Variants in TENM2 observed in about 807,000 individuals in gnomAD.
TENM2 encodes the protein teneurin transmembrane protein 2, also known as teneurin-2.
In TENM2, 52 loss-of-function variants were observed where a neutral mutation model predicts 245.2. That is an observed-to-expected ratio of 0.21 (90% confidence interval 0.17 to 0.27). TENM2 has a LOEUF of 0.27. Among genes scored for constraint, TENM2 ranks in the 10% least tolerant of loss-of-function variants. TENM2 has a pLI of 1.00. For synonymous variants in TENM2, 1,363 were observed against 1,438.9 expected (o/e 0.95, Z 1.19); for missense variants, 3,046 against 3,666.8 (o/e 0.83, Z 4.37).
chr5:168,080,597 T>C (rs1483548487), intron 7 of TENM2, among the ~76,000 whole-genome samples: 1 of 152,220 alleles, frequency 6.6e-6, no homozygotes, highest in Non-Finnish European at 1.5e-5. Context: ...TACACACGGT[T>C]TTAAGTGTGT....
At chr5:168,146,647 G>C (rs940040898) in intron 12 of TENM2, among the ~76,000 whole-genome samples, 1 of 152,134 alleles carries the variant, frequency 6.6e-6, no homozygotes, top group African/African-American at 2.4e-5. Context: ...GAAACGGCCG[G>C]TCCCATTGCT....
chr5:167,894,360 GAAT>G (rs537839931), intron 3 of TENM2, among the ~76,000 whole-genome samples: 194 of 152,294 alleles, frequency 1.3e-3, no homozygotes, highest in African/African-American at 4.4e-3. Flanking sequence ...ATTGCCCTTA[GAAT>G]AAAACCCAGA....
chr5:167,386,167 C>T (rs1021106089), intron 2 of TENM2, among the ~76,000 whole-genome samples: 9 of 151,782 alleles, frequency 5.9e-5, no homozygotes, highest in Admixed American at 1.3e-4. Context: ...GTTCCCTGTT[C>T]ACCGCATCTA....
the TENM2 span, among the ~76,000 whole-genome samples, chr5:167,191,371 A>C: frequency 6.6e-6 from 1 of 152,002 alleles, no homozygotes; most frequent in African/African-American, 2.4e-5. Flanking sequence ...CATTCCCAGA[A>C]AGCTTTGTTT....
chr5:167,392,858 T>C (rs566227220), intron 2 of TENM2, among the ~76,000 whole-genome samples: 4 of 152,302 alleles, frequency 2.6e-5, no homozygotes, highest in African/African-American at 9.6e-5. Context: ...TAGAGTATAT[T>C]CATTAACAAA....
chr5:167,171,428 G>A, the TENM2 span, among the ~76,000 whole-genome samples: 1 of 152,134 alleles, frequency 6.6e-6, no homozygotes, highest in African/African-American at 2.4e-5. Flanking sequence ...GGGGCCCAAC[G>A]GGAAACAGAG....
At chr5:167,832,607 G>A (rs1474487339) in intron 2 of TENM2, among the ~76,000 whole-genome samples, 2 of 152,084 alleles carry the variant, frequency 1.3e-5, no homozygotes, top group African/African-American at 4.8e-5. Context: ...AGGCAGGGAT[G>A]GATGGATAGA....
chr5:167,796,588 C>T (rs530361828), intron 2 of TENM2, among the ~76,000 whole-genome samples: 3 of 151,928 alleles, frequency 2.0e-5, no homozygotes, highest in African/African-American at 7.2e-5. Flanking sequence ...ACTTTCAAAG[C>T]ATTTATCACA....
intron 12 of TENM2, among the ~76,000 whole-genome samples, chr5:168,156,247 T>TAAAAAAAAAAAAAA (rs58825054): frequency 2.5e-5 from 2 of 80,794 alleles, no homozygotes; most frequent in African/African-American, 1.1e-4. Flanking sequence ...TCCCCATAGT[T>TAAAAAAAAAAAAAA]AAAAAAAAAA....
At chr5:168,262,092 C>A in exon 29 of TENM2, 1 of 1,613,958 alleles carries the variant, frequency 6.2e-7, no homozygotes, top group Non-Finnish European at 8.5e-7. Flanking sequence ...CATAACCAGG[C>A]CTTCATGGCT....
chr5:168,004,515 G>GCGCGCA (rs1554170182), intron 5 of TENM2, among the ~76,000 whole-genome samples: 1 of 73,632 alleles, frequency 1.4e-5, no homozygotes, highest in East Asian at 7.3e-4. Context: ...ATGCGCGCGC[G>GCGCGCA]CGCACACACA....
chr5:167,868,252 A>G (rs1420665432), intron 2 of TENM2, among the ~76,000 whole-genome samples: 2 of 152,080 alleles, frequency 1.3e-5, no homozygotes, highest in African/African-American at 4.8e-5. Flanking sequence ...CACATTGCCA[A>G]ATCTCCCCTA....
chr5:167,078,159 T>C, the TENM2 span, among the ~76,000 whole-genome samples: 1 of 152,104 alleles, frequency 6.6e-6, no homozygotes, highest in African/African-American at 2.4e-5. Flanking sequence ...ATGCATACCA[T>C]ACTCAGGTCA....
chr5:167,101,863 A>ATATATATATATATATATATATATATT, the TENM2 span, among the ~76,000 whole-genome samples: 2 of 121,628 alleles, frequency 1.6e-5, no homozygotes, highest in South Asian at 2.6e-4. Flanking sequence ...ATATATATAT[A>ATATATATATATATATATATATATATT]TATATATATA....
intron 2 of TENM2, among the ~76,000 whole-genome samples, chr5:167,575,882 GT>G (rs1021919362): frequency 8.6e-5 from 13 of 151,616 alleles, no homozygotes; most frequent in African/African-American, 2.4e-4. Context: ...ATTCAATCTC[GT>G]TTTTTTTCTA....
chr5:167,249,653 G>A, the TENM2 span, among the ~76,000 whole-genome samples: 7 of 152,100 alleles, frequency 4.6e-5, no homozygotes, highest in Non-Finnish European at 8.8e-5. Flanking sequence ...TAGATATTAA[G>A]CACCTAATTT....
chr5:167,477,314 G>A (rs1420929652), intron 2 of TENM2, among the ~76,000 whole-genome samples: 2 of 149,090 alleles, frequency 1.3e-5, no homozygotes, highest in East Asian at 2.0e-4. Flanking sequence ...TTTCTGCTAT[G>A]CCTTTGACTC....
chr5:167,666,654 T>C (rs899906653), intron 2 of TENM2, among the ~76,000 whole-genome samples: 2 of 152,192 alleles, frequency 1.3e-5, no homozygotes, highest in Non-Finnish European at 2.9e-5. Flanking sequence ...TTACTAGCTT[T>C]TCATAGTAGT....
chr5:167,451,709 C>T (rs1285356091), intron 2 of TENM2, among the ~76,000 whole-genome samples: 5 of 151,388 alleles, frequency 3.3e-5, no homozygotes, highest in Non-Finnish European at 5.9e-5. Flanking sequence ...AGTGCAGTGG[C>T]GCGACCTGGG....
Sources: allele counts gnomAD v4.1 joint callset (sites outside exome capture counted in the v4.1 genomes callset), GRCh38; gene constraint gnomAD v4.1.1; transcripts MANE v1.5; gene names NCBI Gene and HGNC (gene_info 2026-07-23, HGNC 2026-07-21).